The following GEMIN6 variants were observed in gnomAD, a reference collection of about 807,000 sequenced individuals.
The protein encoded by GEMIN6 is gem-associated protein 6.
GEMIN6 carries 13 observed loss-of-function variants against 14.1 expected under a neutral mutation model. The ratio of observed to expected loss-of-function variants is 0.92; its 90% CI spans 0.60 to 1.46. The LOEUF is 1.46. GEMIN6 is among the 40% of genes most tolerant of loss of function. The pLI is 0.00. For synonymous variants in GEMIN6, 87 were observed against 70.0 expected, an observed-to-expected ratio of 1.24 and a Z score of -1.21; for missense variants, 271 against 202.4, an observed-to-expected ratio of 1.34 and a Z score of -2.06.
chr2:38,781,071 C>G (rs1020276056), intron 2 of GEMIN6, among the ~76,000 whole-genome samples: 9 of 148,044 alleles, frequency 6.1e-5, no homozygotes, highest in African/African-American at 2.2e-4. Context: ...CAGGTTCAAG[C>G]AATTCTCTGC....
At chr2:38,780,790 G>A (rs911958609) in intron 2 of GEMIN6, among the ~76,000 whole-genome samples, 5 of 151,260 alleles carry the variant, frequency 3.3e-5, no homozygotes, top group Admixed American at 2.6e-4. Context: ...TACCACACCC[G>A]GCTAATTTTT....
intron 2 of GEMIN6, 92 bp downstream of exon 2, chr2:38,779,210 C>A (rs770085478): frequency 2.0e-5 from 26 of 1,272,106 alleles, no homozygotes; most frequent in Non-Finnish European, 2.7e-5. Context: ...AAATGAAAAG[C>A]TAATTATTAA....
At chr2:38,780,843 G>T (rs1293020524) in intron 2 of GEMIN6, among the ~76,000 whole-genome samples, 1 of 151,966 alleles carries the variant, frequency 6.6e-6, no homozygotes, top group Non-Finnish European at 1.5e-5. Context: ...TGGCCAGGCT[G>T]GCCTTGAACT....
rs1407641625 is a variant in GEMIN6 at position 38,784,837 on chromosome 2, C to G, written c.*2945C>G. 2.6e-5 allele frequency: 4 copies of G among 152,230 alleles called. No homozygotes were observed. Among genetic ancestry groups the G allele is most frequent in the Admixed American group, 2.0e-4 (3 of 15,260 alleles). 9.4% of individuals were successfully genotyped at this position (152,230 alleles called of 1,614,324 possible). A position where few individuals can be genotyped will look rare whatever the true frequency, so the allele number is the denominator to read the frequency against. On this transcript the variant is annotated 3_prime_UTR_variant, in exon 3 of 3. Coordinates refer to ENST00000281950, the MANE Select transcript of GEMIN6 (RefSeq NM_024775.10). ...CCCCAGGAGTTTCACTCACCTGTTT[C>G]CAGTGCCTCCTTTGGGCTGTCAGCA...
rs946464075 is a variant in GEMIN6 at position 38,782,940 on chromosome 2, C to T, written c.*1048C>T. 1.2e-4 allele frequency: 18 copies of T among 152,004 alleles called. No homozygotes were observed. The highest frequency in any genetic ancestry group is 3.9e-4 in the African/African-American group (16 of 41,370). The allele number at this position is 152,004 out of a possible 1,614,324, so 9.4% of individuals were successfully genotyped here. ...CTGGAGTGTAATAGTGCAATCTCGGCTTACCACAACCTCTGCCTCCCAGGT... is the reference window on the plus strand; with the variant it reads ...CTGGAGTGTAATAGTGCAATCTCGGTTTACCACAACCTCTGCCTCCCAGGT... On this transcript the variant is annotated 3_prime_UTR_variant, in exon 3 of 3. Coordinates refer to ENST00000281950, the MANE Select transcript of GEMIN6 (RefSeq NM_024775.10).
In GEMIN6 at chr2:38,781,849, G is replaced by C. The variant is rs150620456; in HGVS notation, c.461G>C (p.Arg154Pro). Residue 154 changes from arginine (R) to proline (P), a missense_variant, in exon 3 of 3, where the codon CGT becomes CCT. Physicochemically the swap from Arg to Pro is moderately radical, Grantham distance 103. Transcript: ENST00000281950. The stretch of plus-strand genomic sequence containing the variant: ...AGCTCTAATGAGATTATTCTGTCGC[G>C]TGTTCAGGATCTTATTGAAGGACAT... ...CSSSNEIILSRVQDLIEGHLT... is the reference protein window; with the variant it reads ...CSSSNEIILSPVQDLIEGHLT... The C allele has an allele frequency of 6.2e-7, 1 of 1,613,566 alleles. No homozygotes were observed. The highest frequency in any genetic ancestry group is 2.2e-5 in the East Asian group (1 of 44,870).
intron 2 of GEMIN6, among the ~76,000 whole-genome samples, chr2:38,780,994 C>T (rs62144836): frequency 4.8e-5 from 6 of 126,208 alleles, no homozygotes; most frequent in African/African-American, 1.7e-4. Flanking sequence ...TTTTTTTTTC[C>T]ACGACAGAGT....
rs1669141480 is a variant in GEMIN6, at chr2:38,783,691, A to G, written c.*1799A>G. The G allele has an allele frequency of 6.6e-6, 1 of 151,942 alleles. No individual in the cohort carries two copies. Among genetic ancestry groups the G allele is most frequent in the Admixed American group, 6.6e-5 (1 of 15,224 alleles). 9.4% of individuals were successfully genotyped at this position (151,942 alleles called of 1,614,324 possible). ...GAATACAGGCCCTGATAACATAGCT[A>G]TTTTCCTGCATAGTTGTCTAATAAC... On this transcript the variant is annotated 3_prime_UTR_variant, in exon 3 of 3. Transcript: ENST00000281950.
In GEMIN6 at chr2:38,778,256, C is replaced by T. The variant is rs1236501594; in HGVS notation, c.-45C>T. The T allele has an allele frequency of 6.6e-6, 1 of 152,154 alleles. No homozygotes were observed. The highest frequency in any genetic ancestry group is 6.6e-5 in the Admixed American group (1 of 15,250). The allele number at this position is 152,154 out of a possible 1,614,324, so 9.4% of individuals were successfully genotyped here. On this transcript the variant is annotated 5_prime_UTR_variant, in exon 1 of 3. Coordinates refer to ENST00000281950, the MANE Select transcript of GEMIN6 (RefSeq NM_024775.10). ...CCTCAAAGCATGGTTGCTGAGTACC[C>T]AGAGTTGCGAGGAGTTTTTTAACTG...
In GEMIN6 at chr2:38,778,261, T is replaced by C. The variant is rs1217114533; in HGVS notation, c.-40T>C. ...AAGCATGGTTGCTGAGTACCCAGAG[T>C]TGCGAGGAGTTTTTTAACTGGTATT... On this transcript the variant is annotated 5_prime_UTR_variant, in exon 1 of 3. Coordinates refer to ENST00000281950, the MANE Select transcript of GEMIN6 (RefSeq NM_024775.10). 6.6e-6 allele frequency: 1 copy of C among 152,074 alleles called. No homozygotes were observed. Among genetic ancestry groups the C allele is most frequent in the African/African-American group, 2.4e-5 (1 of 41,394 alleles). The allele number at this position is 152,074 out of a possible 1,614,324, so 9.4% of individuals were successfully genotyped here.
At chr2:38,779,803 TC>T (rs1457240190) in intron 2 of GEMIN6, among the ~76,000 whole-genome samples, 2 of 145,208 alleles carry the variant, frequency 1.4e-5, no homozygotes, top group African/African-American at 5.1e-5. Context: ...TGCCTCAGCC[TC>T]CCCAGTAGCT....
rs955273454 is a variant in GEMIN6 at position 38,783,399 on chromosome 2, G to A, written c.*1507G>A. 6 of 151,990 alleles carry A rather than the reference G, an allele frequency of 3.9e-5. No homozygotes were observed. Among genetic ancestry groups the A allele is most frequent in the Non-Finnish European group, 7.3e-5 (5 of 68,110 alleles). 9.4% of individuals were successfully genotyped at this position (151,990 alleles called of 1,614,324 possible). ...AGACAGGGTTTCACCATGTTGACCA[G>A]GCTGGTCTTGAACTCCTGACCTCAT... On this transcript the variant is annotated 3_prime_UTR_variant, in exon 3 of 3. Transcript: ENST00000281950.
At chr2:38,779,656 A>T (rs865845534) in intron 2 of GEMIN6, among the ~76,000 whole-genome samples, 12 of 26,912 alleles carry the variant, frequency 4.5e-4, no homozygotes, top group South Asian at 3.8e-3. Flanking sequence ...ATATATATAT[A>T]TATATATATT....
At chr2:38,779,660 ATATATTTTT>A (rs1279927294) in intron 2 of GEMIN6, among the ~76,000 whole-genome samples, 2 of 28,230 alleles carry the variant, frequency 7.1e-5, no homozygotes, top group African/African-American at 1.1e-4. Context: ...ATATATATAT[ATATATTTTT>A]TTTTTTTTTT....
In GEMIN6 at chr2:38,781,607, A is replaced by G; in HGVS notation, c.219A>G (p.Glu73=). 6.2e-7 allele frequency: 1 copy of G among 1,614,224 alleles called. No individual in the cohort carries two copies. Among genetic ancestry groups the G allele is most frequent in the South Asian group, 1.1e-5 (1 of 91,082 alleles). ...TGCAGACTGTTGAAACTATGAATGA[A>G]GGGGACCATAGAGTGAGGGAGAAGC... is the stretch of plus-strand genomic sequence containing the variant. ...HAVQTVETMN[E]GDHRVREKLM... is the part of the protein sequence containing the mutation. The change falls in exon 3 of 3, where the codon GAA becomes GAG. Residue 73 remains glutamate, a synonymous_variant. Transcript: ENST00000281950.
rs1669141877 is a variant in GEMIN6 at position 38,783,725 on chromosome 2, A to G, written c.*1833A>G. ...CATAGTTGTCTAATAACAAGATGGTATAGCCCAGTGCTTCTTGCACTTTAG... is the reference window on the plus strand; with the variant it reads ...CATAGTTGTCTAATAACAAGATGGTGTAGCCCAGTGCTTCTTGCACTTTAG... On this transcript the variant is annotated 3_prime_UTR_variant, in exon 3 of 3. Transcript: ENST00000281950. 1 of 152,188 alleles carries G rather than the reference A, an allele frequency of 6.6e-6. No homozygotes were observed. The highest frequency in any genetic ancestry group is 1.5e-5 in the Non-Finnish European group (1 of 68,050). The allele number at this position is 152,188 out of a possible 1,614,324, so 9.4% of individuals were successfully genotyped here.
chr2:38,781,860 CT>C lies in GEMIN6; in HGVS notation c.474del (p.Ile159LeufsTer37). On this transcript the variant is annotated frameshift_variant, in exon 3 of 3. Transcript: ENST00000281950. LOFTEE classifies it high-confidence loss of function. ...GATTATTCTGTCGCGTGTTCAGGAT[CT>C]TATTGAAGGACATCTTACAGCTTCC... ...NEIILSRVQD[L>X]IEGHLTASQ 6.2e-7 allele frequency: 1 copy of C among 1,611,176 alleles called. No homozygotes were observed. The highest frequency in any genetic ancestry group is 8.5e-7 in the Non-Finnish European group (1 of 1,178,022).
rs1572594908 is a variant in GEMIN6, at chr2:38,782,825, C to T, written c.*933C>T. 6.6e-6 allele frequency: 1 copy of T among 151,672 alleles called. No homozygotes were observed. Among genetic ancestry groups the T allele is most frequent in the African/African-American group, 2.4e-5 (1 of 41,196 alleles). 9.4% of individuals were successfully genotyped at this position (151,672 alleles called of 1,614,324 possible). On this transcript the variant is annotated 3_prime_UTR_variant, in exon 3 of 3. Coordinates refer to ENST00000281950, the MANE Select transcript of GEMIN6 (RefSeq NM_024775.10). Reference sequence around the variant, plus strand: ...AAAAAAAAAAAAAATTATTGGAACACAGCATTACCTATTGAATTACAGTTT... The same window carrying T: ...AAAAAAAAAAAAAATTATTGGAACATAGCATTACCTATTGAATTACAGTTT...
intron 1 of GEMIN6, among the ~76,000 whole-genome samples, 197 bp from the exon 2 acceptor site, chr2:38,778,775 C>T (rs1264583714): frequency 2.6e-5 from 4 of 152,174 alleles, no homozygotes; most frequent in Admixed American, 1.3e-4. Flanking sequence ...CTCAAGCAGC[C>T]TTTACACGTG....
Sources: gnomAD v4.1 joint callset for allele counts (sites outside exome capture counted in the v4.1 genomes callset) on GRCh38, gnomAD v4.1.1 for gene constraint, MANE v1.5 for transcripts, NCBI Gene and HGNC (gene_info 2026-07-23, HGNC 2026-07-21) for gene names.